PHACTR4: variants seen among roughly 807,000 people sequenced by gnomAD.
The protein encoded by PHACTR4 is phosphatase and actin regulator 4.
Under a neutral mutation model 72.7 loss-of-function variants are expected in PHACTR4, and 51 were observed. The observed-to-expected ratio is 0.70, with a 90% CI of 0.56 to 0.89. The LOEUF (loss-of-function observed/expected upper bound fraction) is 0.89. PHACTR4 is among the 40% of genes least tolerant of loss of function. The pLI, the probability that PHACTR4 is intolerant of heterozygous loss-of-function variation, is 0.00. For missense variants in PHACTR4, 731 were observed against 861.8 expected, an observed-to-expected ratio of 0.85 and a Z score of 1.90; for synonymous variants, 255 against 302.5, an observed-to-expected ratio of 0.84 and a Z score of 1.63.
chr1:28,434,039 A>G (rs917613836), intron 2 of PHACTR4, among the ~76,000 whole-genome samples: 6 of 152,130 alleles, frequency 3.9e-5, no homozygotes, highest in Non-Finnish European at 7.4e-5. Context: ...TGGCCTCCCA[A>G]AGTGCTGGGA....
At chr1:28,454,573 A>C (rs1047141529) in intron 2 of PHACTR4, among the ~76,000 whole-genome samples, 22 of 151,970 alleles carry the variant, frequency 1.4e-4, no homozygotes, top group African/African-American at 5.1e-4. Flanking sequence ...CATCACTTTC[A>C]TAATTAGAGA....
At chr1:28,383,126 T>C (rs1259741602) in intron 1 of PHACTR4, among the ~76,000 whole-genome samples, 3 of 152,158 alleles carry the variant, frequency 2.0e-5, no homozygotes, top group African/African-American at 4.8e-5. Context: ...GAATTCCTCA[T>C]TGCCTATTTT....
intron 2 of PHACTR4, among the ~76,000 whole-genome samples, chr1:28,410,150 TA>T (rs1654678872): frequency 1.3e-5 from 2 of 151,948 alleles, no homozygotes; most frequent in Non-Finnish European, 2.9e-5. Context: ...GTATTTTTAG[TA>T]GAGACAGGGT....
intron 4 of PHACTR4, among the ~76,000 whole-genome samples, chr1:28,462,687 A>G (rs1246363610): frequency 1.3e-5 from 2 of 152,110 alleles, no homozygotes; most frequent in Admixed American, 6.6e-5. Flanking sequence ...TATACTTTCT[A>G]TTAGCCCCTA....
chr1:28,429,236 C>T lies in PHACTR4; in HGVS notation c.16+21773C>T, dbSNP rs570598111. Among the ~76,000 whole-genome samples the T allele has an allele frequency of 6.2e-4, 95 of 152,282 alleles. 1 individual carries two copies. The highest frequency in any genetic ancestry group is 2.2e-3 in the African/African-American group (90 of 41,562). On this transcript the variant is annotated intron_variant, in intron 2 of 13. Coordinates refer to ENST00000373839, the MANE Select transcript of PHACTR4 (RefSeq NM_001048183.3). ...TAGTTCACATGAAGTACAAACACTT[C>T]CTACTAAGGATCTTGAGCCTCACAG... is the stretch of plus-strand genomic sequence containing the variant.
chr1:28,413,712 C>T (rs1373615495), intron 2 of PHACTR4, among the ~76,000 whole-genome samples: 3 of 152,100 alleles, frequency 2.0e-5, no homozygotes, highest in Admixed American at 1.3e-4. Context: ...CCTTGCCCTG[C>T]ATAGTCTCTT....
At chr1:28,428,136 G>A (rs1229578578) in intron 2 of PHACTR4, among the ~76,000 whole-genome samples, 1 of 152,222 alleles carries the variant, frequency 6.6e-6, no homozygotes, top group African/African-American at 2.4e-5. Context: ...GTTGTCTGAT[G>A]TCACATGGTG....
At chr1:28,487,518 CAAAA>C (rs796633179) in intron 9 of PHACTR4, among the ~76,000 whole-genome samples, 8 of 77,338 alleles carry the variant, frequency 1.0e-4, no homozygotes, top group East Asian at 4.6e-4. Flanking sequence ...GACACACACA[CAAAA>C]AAAAAAAAAA....
intron 2 of PHACTR4, among the ~76,000 whole-genome samples, chr1:28,425,307 CAG>C (rs1219559473): frequency 6.6e-6 from 1 of 151,344 alleles, no homozygotes; most frequent in Non-Finnish European, 1.5e-5. Flanking sequence ...TCAGTAGAGA[CAG>C]GGTTTCACCA....
In PHACTR4 at chr1:28,379,300, G is replaced by A. The variant is rs1651946835; in HGVS notation, c.-39+9475G>A. ...TTTTTTTTTTTGAAACAGAGTCTCA[G>A]TCTGTCACCCAGGCTGGAGTGCAGT... On this transcript the variant is annotated intron_variant, in intron 1 of 13. Transcript: ENST00000373839. Among the ~76,000 whole-genome samples the A allele has an allele frequency of 2.0e-5, 3 of 148,016 alleles. No individual in the cohort carries two copies. The Admixed American group carries it at 2.0e-4, about 10-fold the overall frequency.
chr1:28,385,620 T>A (rs1369306554), intron 1 of PHACTR4, among the ~76,000 whole-genome samples: 1 of 150,322 alleles, frequency 6.7e-6, no homozygotes, highest in Non-Finnish European at 1.5e-5. Flanking sequence ...GTGAATTTTT[T>A]TTTTTTTTTT....
At position 28,492,999 on chromosome 1, in the gene PHACTR4, T is replaced by A; in HGVS notation, c.2017-16T>A. On this transcript the variant is annotated splice_polypyrimidine_tract_variant and intron_variant, in intron 12 of 13. Coordinates refer to ENST00000373839, the MANE Select transcript of PHACTR4 (RefSeq NM_001048183.3). Reference sequence around the variant, plus strand: ...CAGCCAGAAGAAGCTGAAACATTTTTGTCTCTACTCCACAGGCTGCCATAA... The same window carrying A: ...CAGCCAGAAGAAGCTGAAACATTTTAGTCTCTACTCCACAGGCTGCCATAA... 1 of 1,597,658 alleles carries A rather than the reference T, an allele frequency of 6.3e-7. No homozygotes were observed. The highest frequency in any genetic ancestry group is 8.6e-7 in the Non-Finnish European group (1 of 1,165,518).
intron 2 of PHACTR4, among the ~76,000 whole-genome samples, chr1:28,455,930 G>T (rs1658354879): frequency 6.6e-6 from 1 of 152,192 alleles, no homozygotes; most frequent in Admixed American, 6.5e-5. Flanking sequence ...TTTTGTAAAA[G>T]TGAAAATCAA....
intron 11 of PHACTR4, 148 bp from the exon 12 acceptor site, chr1:28,491,502 T>TG (rs1393269172): frequency 2.9e-6 from 3 of 1,044,914 alleles, no homozygotes; most frequent in Non-Finnish European, 4.3e-6. Flanking sequence ...CCATAATCAC[T>TG]GGGGGTGGGA....
intron 2 of PHACTR4, chr1:28,438,285 A>G: frequency 1.3e-6 from 2 of 1,501,870 alleles, no homozygotes; most frequent in South Asian, 1.3e-5. Context: ...ACACTGAAAG[A>G]GGACCGCATG....
At chr1:28,397,736 G>A (rs865805012) in intron 1 of PHACTR4, among the ~76,000 whole-genome samples, 3 of 144,606 alleles carry the variant, frequency 2.1e-5, no homozygotes, top group Admixed American at 7.1e-5. Context: ...TTTCTCTGTC[G>A]CCAGGCTGGC....
intron 1 of PHACTR4, among the ~76,000 whole-genome samples, chr1:28,397,326 A>G (rs909461541): frequency 1.3e-5 from 2 of 152,220 alleles, no homozygotes; most frequent in Non-Finnish European, 2.9e-5. Flanking sequence ...AGGTTAAATT[A>G]TTCTGCAATA....
chr1:28,484,494 GTATGTGTATATA>G (rs1660495744), intron 9 of PHACTR4, among the ~76,000 whole-genome samples: 1 of 151,112 alleles, frequency 6.6e-6, no homozygotes, highest in Non-Finnish European at 1.5e-5. Context: ...ATATATGTGT[GTATGTGTATATA>G]TATGTGTGTA....
chr1:28,483,058 A>G (rs1660379428), intron 9 of PHACTR4, among the ~76,000 whole-genome samples: 1 of 151,820 alleles, frequency 6.6e-6, no homozygotes, highest in African/African-American at 2.4e-5. Context: ...CAATTTCTTT[A>G]CTTAAACATA....
Sources: gnomAD v4.1 joint callset for allele counts (sites outside exome capture counted in the v4.1 genomes callset) on GRCh38, gnomAD v4.1.1 for gene constraint, MANE v1.5 for transcripts, NCBI Gene and HGNC (gene_info 2026-07-23, HGNC 2026-07-21) for gene names.